CWH43: variants seen among roughly 807,000 people sequenced by gnomAD.
CWH43 encodes cell wall biogenesis 43 C-terminal homolog.
Under a neutral mutation model 85.7 loss-of-function variants are expected in CWH43, and 91 were observed. The ratio of observed to expected loss-of-function variants is 1.06; its 90% CI spans 0.90 to 1.26. The LOEUF (loss-of-function observed/expected upper bound fraction) is 1.26. Ranked by LOEUF, CWH43 falls within the 50% of genes most tolerant of loss-of-function variation. The pLI, the probability that CWH43 is intolerant of heterozygous loss-of-function variation, is 0.00. For synonymous variants in CWH43, 323 were observed against 293.6 expected (o/e 1.10, Z -1.02); for missense variants, 869 against 839.2 (o/e 1.04, Z -0.44).
chr4:48,995,223 G>T (rs1782776137), intron 5 of CWH43, among the ~76,000 whole-genome samples: 1 of 152,214 alleles, frequency 6.6e-6, no homozygotes, highest in Non-Finnish European at 1.5e-5. Flanking sequence ...GTCCCCTGAG[G>T]AGACTAGGTT....
chr4:49,000,900 C>T (rs915652831), intron 6 of CWH43, among the ~76,000 whole-genome samples: 4 of 152,152 alleles, frequency 2.6e-5, no homozygotes, highest in African/African-American at 9.7e-5. Flanking sequence ...AAAGCAGGGC[C>T]ATAATTCACC....
intron 2 of CWH43, among the ~76,000 whole-genome samples, chr4:48,989,228 A>T (rs1241236842): frequency 6.6e-6 from 1 of 152,214 alleles, no homozygotes; most frequent in Non-Finnish European, 1.5e-5. Flanking sequence ...ATTAGTTCTT[A>T]AAAATGGAAT....
At chr4:49,027,224 G>T (rs942813037) in intron 9 of CWH43, among the ~76,000 whole-genome samples, 3 of 152,190 alleles carry the variant, frequency 2.0e-5, no homozygotes, top group African/African-American at 7.2e-5. Context: ...TAAATGGATA[G>T]ACTTAGAATA....
At chr4:49,032,845 T>G in intron 12 of CWH43, 130 bp downstream of exon 12, 1 of 1,176,798 alleles carries the variant, frequency 8.5e-7, no homozygotes, top group South Asian at 1.5e-5. Flanking sequence ...CTCCCTGCGT[T>G]GCTGGTTTTA....
chr4:49,012,175 T>C (rs1050291413), intron 8 of CWH43, among the ~76,000 whole-genome samples: 2 of 152,222 alleles, frequency 1.3e-5, no homozygotes, highest in African/African-American at 4.8e-5. Flanking sequence ...TTCATTTCTT[T>C]TCACTCTTTT....
intron 8 of CWH43, 61 bp downstream of exon 8, chr4:49,007,387 T>A (rs1415109899): frequency 2.2e-5 from 31 of 1,432,506 alleles, no homozygotes; most frequent in South Asian, 3.2e-5. Flanking sequence ...ACGTATGAAA[T>A]TAAAGAGTAT....
intron 2 of CWH43, among the ~76,000 whole-genome samples, chr4:48,990,461 A>G (rs1782624645): frequency 1.3e-5 from 2 of 152,210 alleles, no homozygotes; most frequent in South Asian, 4.1e-4. Flanking sequence ...TAGAGTCCTG[A>G]GATATTCTTA....
chr4:49,032,064 C>T (rs543181711), intron 11 of CWH43, among the ~76,000 whole-genome samples: 1 of 152,272 alleles, frequency 6.6e-6, no homozygotes, highest in African/African-American at 2.4e-5. Flanking sequence ...ATGAAGGTGA[C>T]AGAGAATGCG....
At chr4:49,061,205 T>C (rs1379219298) in intron 15 of CWH43, among the ~76,000 whole-genome samples, 1 of 152,176 alleles carries the variant, frequency 6.6e-6, no homozygotes, top group Admixed American at 6.5e-5. Flanking sequence ...TGATGTTAAA[T>C]TTGATATTCC....
intron 10 of CWH43, among the ~76,000 whole-genome samples, chr4:49,029,502 TC>T (rs1268006622): frequency 1.3e-5 from 2 of 151,946 alleles, no homozygotes; most frequent in African/African-American, 4.8e-5. Flanking sequence ...GACCTGACTG[TC>T]CCCCAGCCCG....
chr4:48,997,546 T>C (rs976293040), intron 5 of CWH43, among the ~76,000 whole-genome samples: 2 of 152,138 alleles, frequency 1.3e-5, no homozygotes, highest in African/African-American at 4.8e-5. Context: ...CTGTCCTTCA[T>C]GGCCTCTTCT....
chr4:49,001,308 T>C (rs1276553542), intron 6 of CWH43, among the ~76,000 whole-genome samples: 1 of 152,198 alleles, frequency 6.6e-6, no homozygotes, highest in Non-Finnish European at 1.5e-5. Flanking sequence ...AAAACTTACA[T>C]GTCAGTTATT....
chr4:49,061,774 C>T, intron 15 of CWH43, 38 bp from the exon 16 acceptor site: 1 of 1,283,814 alleles, frequency 7.8e-7, no homozygotes, highest in Admixed American at 3.6e-5. Flanking sequence ...ATGGTTTTTA[C>T]ATGCCAATAA....
chr4:49,047,101 A>G (rs561585994), intron 14 of CWH43, among the ~76,000 whole-genome samples: 8 of 152,312 alleles, frequency 5.3e-5, no homozygotes, highest in African/African-American at 1.4e-4. Flanking sequence ...GATCTCTTTA[A>G]GTAACCTTAT....
At chr4:49,002,035 C>G (rs1413484917) in intron 6 of CWH43, among the ~76,000 whole-genome samples, 1 of 152,006 alleles carries the variant, frequency 6.6e-6, no homozygotes, top group Non-Finnish European at 1.5e-5. Flanking sequence ...TGAGAGGTGT[C>G]AAGACTTGGC....
At chr4:49,022,550 A>C (rs1355468924) in intron 9 of CWH43, among the ~76,000 whole-genome samples, 1 of 152,156 alleles carries the variant, frequency 6.6e-6, no homozygotes, top group African/African-American at 2.4e-5. Flanking sequence ...TATTAGGGTG[A>C]TACTGGCTTC....
chr4:48,986,333 C>G lies in CWH43; in HGVS notation c.-97C>G. The G allele has an allele frequency of 1.6e-6, 2 of 1,222,784 alleles. No homozygotes were observed. Among genetic ancestry groups the G allele is most frequent in the Admixed American group, 2.3e-5 (1 of 43,100 alleles). 75.7% of individuals were successfully genotyped at this position (1,222,784 alleles called of 1,614,324 possible). ...GGAACGAGGGGCGCGGACGCAGGCC[C>G]GGGAGGACGCGGCGGCGGGAACCTG... On this transcript the variant is annotated 5_prime_UTR_variant, in exon 1 of 16. Coordinates refer to ENST00000226432, the MANE Select transcript of CWH43 (RefSeq NM_025087.3).
At chr4:48,986,521 C>A in intron 1 of CWH43, 49 bp downstream of exon 1, 1 of 1,548,580 alleles carries the variant, frequency 6.5e-7, no homozygotes, top group South Asian at 1.2e-5. Flanking sequence ...GCTCCCCGGG[C>A]CATGTCCAGA....
intron 4 of CWH43, among the ~76,000 whole-genome samples, chr4:48,994,031 G>T (rs1358467116): frequency 2.0e-5 from 3 of 152,076 alleles, no homozygotes; most frequent in Non-Finnish European, 4.4e-5. Flanking sequence ...CAAAGTGCTG[G>T]GATTACAGGC....
Sources: allele counts gnomAD v4.1 joint callset (sites outside exome capture counted in the v4.1 genomes callset), GRCh38; gene constraint gnomAD v4.1.1; transcripts MANE v1.5; gene names NCBI Gene and HGNC (gene_info 2026-07-23, HGNC 2026-07-21).